Variants in GNG4 observed in about 807,000 individuals in gnomAD.
The protein encoded by GNG4 is G protein subunit gamma 4.
A neutral mutation model predicts 5.8 loss-of-function variants in GNG4; 4 were observed. The observed-to-expected ratio is 0.69, with a 90% CI of 0.34 to 1.57. The LOEUF (loss-of-function observed/expected upper bound fraction) is 1.57, where lower values mean the gene tolerates loss of function less well. Ranked by LOEUF, GNG4 falls within the 40% of genes most tolerant of loss-of-function variation. The pLI is 0.06. For synonymous variants in GNG4, 29 were observed against 32.9 expected (o/e 0.88, Z 0.41); for missense variants, 96 against 95.1 (o/e 1.01, Z -0.04).
intron 1 of GNG4, among the ~76,000 whole-genome samples, chr1:235,602,408 C>A (rs534139083): frequency 6.6e-6 from 1 of 152,172 alleles, no homozygotes; most frequent in African/African-American, 2.4e-5. Context: ...GAGCCCACGT[C>A]CCCAAATTCC....
chr1:235,608,033 GC>G (rs1163488405), intron 1 of GNG4, among the ~76,000 whole-genome samples: 1 of 151,604 alleles, frequency 6.6e-6, no homozygotes, highest in African/African-American at 2.4e-5. Context: ...TGCCTCCCAG[GC>G]TCAGGCCATT....
At chr1:235,592,426 T>C (rs1687993546) in intron 2 of GNG4, among the ~76,000 whole-genome samples, 1 of 152,126 alleles carries the variant, frequency 6.6e-6, no homozygotes, top group African/African-American at 2.4e-5. Context: ...GGAGAATTGC[T>C]TGAACCTGTG....
intron 1 of GNG4, among the ~76,000 whole-genome samples, chr1:235,631,761 T>C (rs1238639824): frequency 1.3e-5 from 2 of 150,884 alleles, no homozygotes; most frequent in African/African-American, 5.0e-5. Flanking sequence ...AGAGATGGGG[T>C]TTCACCATGT....
In GNG4 at chr1:235,629,592, CTTTCTTTCT is replaced by C. The variant is rs1379429015; in HGVS notation, c.-123+20061_-123+20069del. ...CCTCTCAAATTTTTCTTTCTTTTTT[CTTTCTTTCT>C]TTTTTTTTTTTTTAAGATTGAGTCT... is the stretch of plus-strand genomic sequence containing the variant. On this transcript the variant is annotated intron_variant, in intron 1 of 3. Coordinates refer to ENST00000391854, the MANE Select transcript of GNG4 (RefSeq NM_001098722.2). Among the ~76,000 whole-genome samples the C allele has an allele frequency of 2.3e-3, 327 of 144,276 alleles. 2 individuals carry two copies. Among genetic ancestry groups the C allele is most frequent in the Middle Eastern group, 0.014 (4 of 286 alleles). The allele number at this position is 144,276 out of a possible 152,430, so 94.7% of individuals were successfully genotyped here.
At chr1:235,553,710 C>T (rs1686816990) in intron 3 of GNG4, among the ~76,000 whole-genome samples, 1 of 152,104 alleles carries the variant, frequency 6.6e-6, no homozygotes, top group South Asian at 2.1e-4. Flanking sequence ...AGTCTAAATC[C>T]TGACAAAACC....
At chr1:235,579,027 G>T (rs1280014621) in intron 3 of GNG4, among the ~76,000 whole-genome samples, 2 of 151,300 alleles carry the variant, frequency 1.3e-5, no homozygotes, top group Non-Finnish European at 2.9e-5. Context: ...AACCCGCGAG[G>T]CAGGGGTTGC....
At chr1:235,591,053 G>A (rs946314126) in intron 2 of GNG4, among the ~76,000 whole-genome samples, 5 of 152,174 alleles carry the variant, frequency 3.3e-5, no homozygotes, top group African/African-American at 1.2e-4. Flanking sequence ...ACTTTGAGTA[G>A]CAAGGCTCTG....
At chr1:235,603,853 T>A (rs939863746) in intron 1 of GNG4, among the ~76,000 whole-genome samples, 21 of 152,106 alleles carry the variant, frequency 1.4e-4, no homozygotes, top group Admixed American at 1.2e-3. Context: ...CTTATTAAGG[T>A]CAAGAAAATT....
chr1:235,587,683 G>A (rs1205119596), intron 2 of GNG4, among the ~76,000 whole-genome samples: 1 of 89,666 alleles, frequency 1.1e-5, no homozygotes, highest in Non-Finnish European at 2.2e-5. Flanking sequence ...TGGGGTATGT[G>A]TGCGAGTGTT....
At position 235,613,067 on chromosome 1, in the gene GNG4, A is replaced by G. The variant is rs112771293; in HGVS notation, c.-122-17556T>C. 3.4e-3 allele frequency among the ~76,000 whole-genome samples: 510 copies of G among 151,542 alleles called. 2 individuals are homozygous for G. Among genetic ancestry groups the G allele is most frequent in the African/African-American group, 0.012 (485 of 41,234 alleles). ...TCTAATCACCTCCTAAAGCCCCAGTACTACTGCACTGGGGATTAGATTTCA... is the reference window on the plus strand; with the variant it reads ...TCTAATCACCTCCTAAAGCCCCAGTGCTACTGCACTGGGGATTAGATTTCA... On this transcript the variant is annotated intron_variant, in intron 1 of 3. Transcript: ENST00000391854.
chr1:235,582,343 G>A (rs1162001855), intron 3 of GNG4, among the ~76,000 whole-genome samples: 2 of 152,022 alleles, frequency 1.3e-5, no homozygotes, highest in Admixed American at 6.5e-5. Flanking sequence ...AGCTCCTCCC[G>A]CTGCCCAGCT....
chr1:235,619,353 C>T lies in GNG4; in HGVS notation c.-122-23842G>A, dbSNP rs187946501. ...TGGAGGCTGCAGTGAGCCAAGATTG[C>T]GCCACTGCACTCCGGCCTGGGTGAC... On this transcript the variant is annotated intron_variant, in intron 1 of 3. Transcript: ENST00000391854. 4.0e-5 allele frequency among the ~76,000 whole-genome samples: 6 copies of T among 151,220 alleles called. No individual in the cohort carries two copies. The East Asian group carries it at 5.8e-4, about 15-fold the overall frequency.
At chr1:235,605,640 C>T (rs1258902704) in intron 1 of GNG4, among the ~76,000 whole-genome samples, 1 of 152,092 alleles carries the variant, frequency 6.6e-6, no homozygotes, top group Non-Finnish European at 1.5e-5. Context: ...TCAATTTGAG[C>T]CTAGGAAGAT....
At chr1:235,583,926 G>C in intron 2 of GNG4, 78 bp from the exon 3 acceptor site, 1 of 810,610 alleles carries the variant, frequency 1.2e-6, no homozygotes, top group Non-Finnish European at 2.1e-6. Flanking sequence ...ACCACCTACA[G>C]CTTCTCTGTC....
In GNG4 at chr1:235,648,319, T is replaced by G. The variant is rs1294125249; in HGVS notation, c.-123+1343A>C. ...ATTTGCATTTACACCTACTATTTAT[T>G]AAGTGCCACAGCCATCTCTTATCAT... On this transcript the variant is annotated intron_variant, in intron 1 of 3. Coordinates refer to ENST00000391854, the MANE Select transcript of GNG4 (RefSeq NM_001098722.2). The surrounding 1 kb of genome is among the most constrained non-coding windows in gnomAD (Gnocchi z 5.0). Among the ~76,000 whole-genome samples the G allele has an allele frequency of 6.6e-6, 1 of 152,226 alleles. No homozygotes were observed. The highest frequency in any genetic ancestry group is 1.5e-5 in the Non-Finnish European group (1 of 68,036).
intron 1 of GNG4, among the ~76,000 whole-genome samples, chr1:235,599,739 G>A (rs1286810199): frequency 2.0e-5 from 3 of 152,192 alleles, no homozygotes; most frequent in South Asian, 2.1e-4. Flanking sequence ...CTGAAGACAC[G>A]TGGGTCAGTC....
At chr1:235,569,457 C>A (rs201520914) in intron 3 of GNG4, among the ~76,000 whole-genome samples, 58 of 139,928 alleles carry the variant, frequency 4.1e-4, no homozygotes, top group East Asian at 1.1e-3. Flanking sequence ...GACCGTGTCT[C>A]AAAAAAAAAA....
At chr1:235,602,255 G>C (rs966477842) in intron 1 of GNG4, among the ~76,000 whole-genome samples, 3 of 152,128 alleles carry the variant, frequency 2.0e-5, no homozygotes, top group African/African-American at 4.8e-5. Flanking sequence ...CTGGTCCACA[G>C]AGCGAGACCC....
intron 1 of GNG4, among the ~76,000 whole-genome samples, chr1:235,617,546 A>G (rs1180873070): frequency 2.6e-5 from 4 of 152,164 alleles, no homozygotes; most frequent in Admixed American, 2.6e-4. Flanking sequence ...CAAGGAAACA[A>G]TGTTTTGCTG....
Sources: gnomAD v4.1 joint callset for allele counts (sites outside exome capture counted in the v4.1 genomes callset) on GRCh38, gnomAD v4.1.1 for gene constraint, Gnocchi (gnomAD v3.1) non-coding constraint, MANE v1.5 for transcripts, NCBI Gene and HGNC (gene_info 2026-07-23, HGNC 2026-07-21) for gene names.